Variants in MSH4 observed in about 807,000 individuals in gnomAD.
MSH4 encodes the protein mutS protein homolog 4.
A neutral mutation model predicts 113.7 loss-of-function variants in MSH4; 106 were observed. The observed-to-expected ratio is 0.93, with a 90% confidence interval of 0.80 to 1.10. The LOEUF (loss-of-function observed/expected upper bound fraction) is 1.10, where lower values mean the gene tolerates loss of function less well. MSH4 is among the 50% of genes least tolerant of loss of function. The pLI is 0.00. For synonymous variants in MSH4, 368 were observed against 380.2 expected (o/e 0.97, Z 0.37); for missense variants, 1,061 against 1,093.7 (o/e 0.97, Z 0.42).
chr1:75,903,887 G>A (rs1434456723), intron 19 of MSH4, among the ~76,000 whole-genome samples: 3 of 152,032 alleles, frequency 2.0e-5, no homozygotes, highest in African/African-American at 7.2e-5. Context: ...CTCTGGCTAG[G>A]ACATCCAGTA....
intron 8 of MSH4, among the ~76,000 whole-genome samples, chr1:75,860,147 C>G (rs747667561): frequency 1.3e-5 from 2 of 151,902 alleles, no homozygotes; most frequent in Non-Finnish European, 2.9e-5. Context: ...TATTTTGAGC[C>G]TTGTGTGTCT....
At chr1:75,820,015 C>G (rs1340872685) in intron 6 of MSH4, among the ~76,000 whole-genome samples, 1 of 152,128 alleles carries the variant, frequency 6.6e-6, no homozygotes, top group Admixed American at 6.6e-5. Flanking sequence ...CTTGACTGAC[C>G]AGCATTCTTT....
intron 4 of MSH4, among the ~76,000 whole-genome samples, chr1:75,812,856 T>C (rs1032316799): frequency 3.9e-5 from 6 of 152,150 alleles, no homozygotes; most frequent in African/African-American, 1.4e-4. Flanking sequence ...GGCTGGCACT[T>C]TATGAGAGGC....
intron 19 of MSH4, among the ~76,000 whole-genome samples, chr1:75,900,089 C>T (rs1259082522): frequency 6.6e-6 from 1 of 151,966 alleles, no homozygotes; most frequent in Non-Finnish European, 1.5e-5. Context: ...TTCTACTCAT[C>T]ATATGTAAGC....
At chr1:75,817,713 A>G (rs1395282050) in intron 6 of MSH4, among the ~76,000 whole-genome samples, 1 of 152,136 alleles carries the variant, frequency 6.6e-6, no homozygotes, top group Non-Finnish European at 1.5e-5. Flanking sequence ...CTGCCTGTTC[A>G]GTGCAGTATT....
At position 75,880,160 on chromosome 1, in the gene MSH4, G is replaced by A. The variant is rs750197926; in HGVS notation, c.1781+7G>A. 2.2e-5 allele frequency: 30 copies of A among 1,389,136 alleles called. No homozygotes were observed. Among genetic ancestry groups the A allele is most frequent in the Middle Eastern group, 1.8e-4 (1 of 5,520 alleles). 86.1% of individuals were successfully genotyped at this position (1,389,136 alleles called of 1,614,324 possible). A position where few individuals can be genotyped will look rare whatever the true frequency, so the allele number is the denominator to read the frequency against. On this transcript the variant is annotated splice_region_variant and intron_variant, in intron 13 of 19. Transcript: ENST00000263187. ...TCTATCACATGACTTATATGTAAGA[G>A]CATTTGAAGTATTTGAATATTGAAT... is the stretch of plus-strand genomic sequence containing the variant.
At chr1:75,865,860 T>C (rs1379841922) in intron 8 of MSH4, among the ~76,000 whole-genome samples, 1 of 152,218 alleles carries the variant, frequency 6.6e-6, no homozygotes, top group Non-Finnish European at 1.5e-5. Context: ...CTGGAATTAA[T>C]TTTTGTGTGT....
rs568297410 is a variant in MSH4, at chr1:75,832,520, G to A, written c.1162+9939G>A. Among the ~76,000 whole-genome samples, 7 of 152,190 alleles carry A rather than the reference G, an allele frequency of 4.6e-5. No individual in the cohort carries two copies. The East Asian group carries it at 7.7e-4, about 17-fold the overall frequency. Reference sequence around the variant, plus strand: ...TAGACCAATATCCCTGATGAACATCGATGCAAAAATCCTCAATAAAGTACT... The same window carrying A: ...TAGACCAATATCCCTGATGAACATCAATGCAAAAATCCTCAATAAAGTACT... On this transcript the variant is annotated intron_variant, in intron 7 of 19. Coordinates refer to ENST00000263187, the MANE Select transcript of MSH4 (RefSeq NM_002440.4).
At chr1:75,857,220 T>G (rs186138792) in intron 8 of MSH4, among the ~76,000 whole-genome samples, 3 of 152,332 alleles carry the variant, frequency 2.0e-5, no homozygotes, top group African/African-American at 7.2e-5. Flanking sequence ...TGCAAAAATT[T>G]TCTCCCATTC....
At chr1:75,829,105 T>C (rs1196222254) in intron 7 of MSH4, among the ~76,000 whole-genome samples, 1 of 152,194 alleles carries the variant, frequency 6.6e-6, no homozygotes, top group Non-Finnish European at 1.5e-5. Context: ...GCTTTTCCAA[T>C]GGCCTTAGCA....
intron 8 of MSH4, among the ~76,000 whole-genome samples, chr1:75,864,572 G>T (rs987861406): frequency 1.3e-5 from 2 of 152,106 alleles, no homozygotes; most frequent in African/African-American, 4.8e-5. Flanking sequence ...GTTTTAATTT[G>T]TGTTTTCCTA....
At position 75,815,040 on chromosome 1, in the gene MSH4, T is replaced by C. The variant is rs769373269; in HGVS notation, c.719T>C (p.Ile240Thr). The C allele has an allele frequency of 3.8e-6, 6 of 1,591,940 alleles. No homozygotes were observed. In the Admixed American group the frequency reaches 8.7e-5, roughly 23 times the overall value. The change falls in exon 5 of 20, where the codon ATC becomes ACC. Residue 240 changes from isoleucine to threonine, a missense_variant. By Grantham distance (89) the Ile-to-Thr change is moderately conservative (BLOSUM62 -1). Coordinates refer to ENST00000263187, the MANE Select transcript of MSH4 (RefSeq NM_002440.4). ...ENFKNVNFTT[I>T]QRKYFNETKG... is the part of the protein sequence containing the mutation. ...TTTCAGAATGTTAATTTCACTACTA[T>C]CCAAAGGAAATACTTCAATGAAACA...
At chr1:75,823,336 A>G (rs1650473038) in intron 7 of MSH4, among the ~76,000 whole-genome samples, 1 of 151,042 alleles carries the variant, frequency 6.6e-6, no homozygotes, top group South Asian at 2.1e-4. Flanking sequence ...AAGACTTCAC[A>G]GTATCATTTG....
At chr1:75,828,646 TGGGGACTCCAAAA>T (rs2100527423) in intron 7 of MSH4, among the ~76,000 whole-genome samples, 1 of 152,166 alleles carries the variant, frequency 6.6e-6, no homozygotes, top group African/African-American at 2.4e-5. Flanking sequence ...CAATAGCTAT[TGGGGACTCCAAAA>T]GGGGAGAGGA....
chr1:75,895,377 C>T (rs1227579880), intron 17 of MSH4, among the ~76,000 whole-genome samples: 2 of 152,148 alleles, frequency 1.3e-5, no homozygotes, highest in Non-Finnish European at 2.9e-5. Flanking sequence ...CTATGAATGG[C>T]CAAGACCTTT....
intron 14 of MSH4, among the ~76,000 whole-genome samples, chr1:75,882,663 T>TAAAAAAAAA (rs35936506): frequency 3.2e-5 from 4 of 123,800 alleles, no homozygotes; most frequent in Admixed American, 9.1e-5. Flanking sequence ...ACCTCATTTC[T>TAAAAAAAAA]AAAAAAAAAA....
chr1:75,826,906 T>C (rs1453659194), intron 7 of MSH4, among the ~76,000 whole-genome samples: 1 of 152,196 alleles, frequency 6.6e-6, no homozygotes, highest in Admixed American at 6.6e-5. Context: ...ATAAGTGCTA[T>C]GTGGTGCTGA....
chr1:75,803,510 G>A (rs1359628448), intron 1 of MSH4, among the ~76,000 whole-genome samples: 3 of 151,926 alleles, frequency 2.0e-5, no homozygotes, highest in Admixed American at 6.6e-5. Flanking sequence ...CCAGCTACTC[G>A]GGAGGCTGAG....
At chr1:75,879,239 C>A in intron 12 of MSH4, 111 bp downstream of exon 12, 2 of 910,026 alleles carry the variant, frequency 2.2e-6, no homozygotes, top group Non-Finnish European at 3.4e-6. Context: ...TGTTCTGTAT[C>A]TTCTCCTATT....
Sources: allele counts gnomAD v4.1 joint callset (sites outside exome capture counted in the v4.1 genomes callset), GRCh38; gene constraint gnomAD v4.1.1; transcripts MANE v1.5; gene names NCBI Gene and HGNC (gene_info 2026-07-23, HGNC 2026-07-21).